The following PCDHGB3 variants were observed in gnomAD, a reference collection of about 807,000 sequenced individuals.
PCDHGB3 encodes the protein protocadherin gamma-B3.
In PCDHGB3, 40 loss-of-function variants were observed where a neutral mutation model predicts 59.2. The observed-to-expected ratio is 0.68, with a 90% CI of 0.52 to 0.88. The LOEUF (loss-of-function observed/expected upper bound fraction) is 0.88. Among genes scored for constraint, PCDHGB3 ranks in the 40% least tolerant of loss-of-function variants. The pLI is 0.00. For missense variants in PCDHGB3, 1,309 were observed against 1,187.9 expected, an observed-to-expected ratio of 1.10 and a Z score of -1.50; for synonymous variants, 581 against 503.6, an observed-to-expected ratio of 1.15 and a Z score of -2.06.
intron 1 of PCDHGB3, chr5:141,403,657 A>G (rs753978186): frequency 2.5e-6 from 4 of 1,613,924 alleles, no homozygotes; most frequent in East Asian, 2.2e-5. Context: ...TGTTGGATAC[A>G]AATGATAATG....
intron 1 of PCDHGB3, among the ~76,000 whole-genome samples, chr5:141,402,701 G>T (rs1561683907): frequency 1.3e-5 from 2 of 152,178 alleles, no homozygotes; most frequent in African/African-American, 2.4e-5. Context: ...ACATCAGTGG[G>T]TGTAGTAACG....
At chr5:141,376,675 C>CCTTTTTTTT (rs1561575046) in intron 1 of PCDHGB3, 1 of 343,980 alleles carries the variant, frequency 2.9e-6, no homozygotes. Context: ...GTGAGGGTAT[C>CCTTTTTTTT]GTTTTTTTTT....
At chr5:141,394,268 C>A in intron 1 of PCDHGB3, 3 of 1,613,946 alleles carry the variant, frequency 1.9e-6, no homozygotes, top group Non-Finnish European at 2.5e-6. Flanking sequence ...AGGAGAATGC[C>A]CAGGTCACTT....
At chr5:141,373,491 C>T (rs975077178) in intron 1 of PCDHGB3, among the ~76,000 whole-genome samples, 1 of 152,180 alleles carries the variant, frequency 6.6e-6, no homozygotes, top group Non-Finnish European at 1.5e-5. Context: ...CCCCTGCACT[C>T]TAGCCTGGGA....
intron 1 of PCDHGB3, chr5:141,430,849 G>A: frequency 6.3e-7 from 1 of 1,582,030 alleles, no homozygotes; most frequent in Non-Finnish European, 8.6e-7. Flanking sequence ...GATGCACCCA[G>A]ATACGCTATT....
chr5:141,460,416 A>C (rs966481039), intron 1 of PCDHGB3, among the ~76,000 whole-genome samples: 1 of 152,138 alleles, frequency 6.6e-6, no homozygotes, highest in African/African-American at 2.4e-5. Flanking sequence ...GTTGATGTTT[A>C]TGTATGGTGT....
Position 141,491,422 on chromosome 5 carries a change from G to A in PCDHGB3, c.2416-3385G>A. 1 of 1,614,112 alleles carries A rather than the reference G, an allele frequency of 6.2e-7. No individual in the cohort carries two copies. Among genetic ancestry groups the A allele is most frequent in the East Asian group, 2.2e-5 (1 of 44,874 alleles). On this transcript the variant is annotated intron_variant, in intron 1 of 3. Coordinates refer to ENST00000576222, the MANE Select transcript of PCDHGB3 (RefSeq NM_018924.5). The surrounding 1 kb of genome is among the most constrained non-coding windows in gnomAD (Gnocchi z 6.9). The stretch of plus-strand genomic sequence containing the variant: ...AAACGCAGACGGGGACGGGGGTGGA[G>A]GGCAGTGCTGCAGGCGCCAGGACTC...
intron 1 of PCDHGB3, among the ~76,000 whole-genome samples, chr5:141,425,293 T>A (rs1332220576): frequency 1.3e-5 from 2 of 152,172 alleles, no homozygotes; most frequent in African/African-American, 4.8e-5. Context: ...TTATAAAACC[T>A]CATCTAAACT....
At chr5:141,448,907 T>G (rs1253773780) in intron 1 of PCDHGB3, among the ~76,000 whole-genome samples, 1 of 152,178 alleles carries the variant, frequency 6.6e-6, no homozygotes, top group African/African-American at 2.4e-5. Flanking sequence ...ATCGTGCCAC[T>G]GCACTCCAGC....
At chr5:141,399,947 C>G in intron 1 of PCDHGB3, 1 of 1,612,228 alleles carries the variant, frequency 6.2e-7, no homozygotes. Context: ...GTGCTGCAGG[C>G]TAGCGAGCCC....
chr5:141,415,730 G>A lies in PCDHGB3; in HGVS notation c.2415+42921G>A. On this transcript the variant is annotated intron_variant, in intron 1 of 3. Transcript: ENST00000576222. Reference sequence around the variant, plus strand: ...AAAACACTGATGAGTAGAATTTGATGTTTATTAAGGTTTTTTTTTTTTTTT... The same window carrying A: ...AAAACACTGATGAGTAGAATTTGATATTTATTAAGGTTTTTTTTTTTTTTT... 4 of 476,826 alleles carry A rather than the reference G, an allele frequency of 8.4e-6. No individual in the cohort carries two copies. The South Asian group carries it at 2.0e-4, about 24-fold the overall frequency. The allele number at this position is 476,826 out of a possible 1,614,324, so 29.5% of individuals were successfully genotyped here. A position where few individuals can be genotyped will look rare whatever the true frequency, so the allele number is the denominator to read the frequency against.
At chr5:141,416,870 A>G (rs1315073474) in intron 1 of PCDHGB3, 4 of 152,154 alleles carry the variant, frequency 2.6e-5, no homozygotes, top group Non-Finnish European at 5.9e-5. Flanking sequence ...GTCAGTCAAC[A>G]TTTGTTGAAT....
intron 1 of PCDHGB3, among the ~76,000 whole-genome samples, chr5:141,402,680 TATA>T (rs1441272447): frequency 2.4e-4 from 36 of 152,348 alleles, no homozygotes; most frequent in African/African-American, 7.9e-4. Context: ...AGCCATCTGA[TATA>T]ATGTTACACA....
intron 2 of PCDHGB3, among the ~76,000 whole-genome samples, chr5:141,500,877 AT>A (rs369345007): frequency 5.2e-4 from 64 of 122,250 alleles, no homozygotes; most frequent in Admixed American, 1.0e-3. Context: ...TTCATTTACA[AT>A]TTTTTTTTTT....
At chr5:141,423,485 C>T (rs752918607) in intron 1 of PCDHGB3, 30 of 1,613,840 alleles carry the variant, frequency 1.9e-5, no homozygotes, top group Non-Finnish European at 2.2e-5. Context: ...TTCCTGCAAA[C>T]CTATTCCCAC....
Position 141,371,682 on chromosome 5 carries a change from C to G in PCDHGB3, c.1288C>G (p.Pro430Ala). 2.5e-6 allele frequency: 4 copies of G among 1,614,036 alleles called. No individual in the cohort carries two copies. Among genetic ancestry groups the G allele is most frequent in the Non-Finnish European group, 2.5e-6 (3 of 1,179,898 alleles). Reference sequence around the variant, plus strand: ...GATCACAGCTACCGACAAAGGCAATCCACCGCTCTCCTCCAGCAAGACCAT... The same window carrying G: ...GATCACAGCTACCGACAAAGGCAATGCACCGCTCTCCTCCAGCAAGACCAT... ...VTITATDKGN[P>A]PLSSSKTITL... Residue 430 changes from proline to alanine, a missense_variant, in exon 1 of 4, where the codon CCA (proline) becomes GCA (alanine). Physicochemically the swap from Pro to Ala is conservative, Grantham distance 27. Coordinates refer to ENST00000576222, the MANE Select transcript of PCDHGB3 (RefSeq NM_018924.5).
intron 1 of PCDHGB3, among the ~76,000 whole-genome samples, chr5:141,462,538 C>G (rs565849689): frequency 1.3e-5 from 2 of 152,102 alleles, no homozygotes; most frequent in South Asian, 2.1e-4. Context: ...GTTCAGTGAT[C>G]TTTTCTTCTT....
At chr5:141,473,098 A>G (rs564554159) in intron 1 of PCDHGB3, among the ~76,000 whole-genome samples, 6 of 152,300 alleles carry the variant, frequency 3.9e-5, no homozygotes, top group South Asian at 4.1e-4. Context: ...TGTGAGTTGT[A>G]TTACCACACT....
chr5:141,414,908 G>A (rs758472270), intron 1 of PCDHGB3: 19 of 1,614,188 alleles, frequency 1.2e-5, no homozygotes, highest in Non-Finnish European at 1.6e-5. Flanking sequence ...GGTTCCACAG[G>A]CGTGGAGCTG....
Sources: gnomAD v4.1 joint callset for allele counts (sites outside exome capture counted in the v4.1 genomes callset) on GRCh38, gnomAD v4.1.1 for gene constraint, Gnocchi (gnomAD v3.1) non-coding constraint, MANE v1.5 for transcripts, NCBI Gene and HGNC (gene_info 2026-07-23, HGNC 2026-07-21) for gene names.